Variants in FBXO42 observed in about 807,000 individuals in gnomAD.
FBXO42 encodes the protein F-box only protein 42.
In FBXO42, 12 loss-of-function variants were observed where a neutral mutation model predicts 71.7. The ratio of observed to expected loss-of-function variants is 0.17; its 90% confidence interval spans 0.11 to 0.27. The LOEUF (loss-of-function observed/expected upper bound fraction) is 0.27, where lower values mean the gene tolerates loss of function less well. Ranked by LOEUF, FBXO42 falls within the 10% of genes least tolerant of loss-of-function variation. The pLI is 1.00. For synonymous variants in FBXO42, 325 were observed against 327.5 expected (o/e 0.99, Z 0.08); for missense variants, 707 against 911.9 (o/e 0.78, Z 2.89).
chr1:16,263,255 G>A (rs1319284582), intron 4 of FBXO42, among the ~76,000 whole-genome samples: 1 of 151,464 alleles, frequency 6.6e-6, no homozygotes, highest in Non-Finnish European at 1.5e-5. Flanking sequence ...GAGGTCAGGA[G>A]ATCGAGACCA....
intron 4 of FBXO42, among the ~76,000 whole-genome samples, chr1:16,278,802 G>A (rs531885828): frequency 5.3e-5 from 8 of 151,602 alleles, no homozygotes; most frequent in East Asian, 1.9e-4. Context: ...ACGGAGTTTC[G>A]CTCTTGTTGC....
chr1:16,279,779 A>G (rs2081941085), intron 4 of FBXO42, among the ~76,000 whole-genome samples: 1 of 152,056 alleles, frequency 6.6e-6, no homozygotes, highest in South Asian at 2.1e-4. Flanking sequence ...GGAAAATCAA[A>G]TGTATACTAT....
At chr1:16,334,796 A>T (rs1468848548) in intron 1 of FBXO42, among the ~76,000 whole-genome samples, 1 of 152,178 alleles carries the variant, frequency 6.6e-6, no homozygotes, top group Admixed American at 6.6e-5. Flanking sequence ...CATAAAGATG[A>T]CTCATACAGG....
chr1:16,255,148 G>C (rs2081626702), intron 6 of FBXO42, among the ~76,000 whole-genome samples: 1 of 152,168 alleles, frequency 6.6e-6, no homozygotes, highest in African/African-American at 2.4e-5. Context: ...AGGCAAGGTG[G>C]AGGTTCCATC....
intron 1 of FBXO42, among the ~76,000 whole-genome samples, chr1:16,322,445 G>A (rs1033126551): frequency 1.3e-5 from 2 of 152,184 alleles, no homozygotes; most frequent in South Asian, 2.1e-4. Flanking sequence ...GCGTGCAGGC[G>A]CATGCCTGTA....
chr1:16,326,560 T>G (rs1384366113), intron 1 of FBXO42, among the ~76,000 whole-genome samples: 2 of 151,404 alleles, frequency 1.3e-5, no homozygotes, highest in African/African-American at 2.4e-5. Context: ...GGTGCACACT[T>G]GTAGTCTCAG....
chr1:16,340,157 C>G (rs1041408573), intron 1 of FBXO42, among the ~76,000 whole-genome samples: 5 of 148,784 alleles, frequency 3.4e-5, no homozygotes, highest in African/African-American at 1.2e-4. Context: ...GTCTGGGCGA[C>G]AGAGCAAGAC....
intron 4 of FBXO42, among the ~76,000 whole-genome samples, chr1:16,269,875 TTTTG>T (rs2081821228): frequency 7.2e-6 from 1 of 139,418 alleles, no homozygotes; most frequent in Non-Finnish European, 1.6e-5. Context: ...TTTGTTTTGT[TTTTG>T]AGATGGAGTT....
chr1:16,277,208 C>A (rs1157719001), intron 4 of FBXO42, among the ~76,000 whole-genome samples: 1 of 152,150 alleles, frequency 6.6e-6, no homozygotes, highest in East Asian at 1.9e-4. Context: ...GTTATACTGT[C>A]TGATATTCAG....
intron 1 of FBXO42, among the ~76,000 whole-genome samples, chr1:16,342,544 T>C (rs1263355720): frequency 1.4e-5 from 2 of 147,854 alleles, no homozygotes; most frequent in African/African-American, 2.5e-5. Context: ...GATCGCCCAC[T>C]GCACTCCAGT....
At chr1:16,317,836 T>C (rs912417987) in intron 1 of FBXO42, among the ~76,000 whole-genome samples, 1 of 151,050 alleles carries the variant, frequency 6.6e-6, no homozygotes, top group East Asian at 2.0e-4. Context: ...GGAGGATCAC[T>C]TGAGCCCAAG....
rs2081598624 is a variant in FBXO42 at position 16,252,137 on chromosome 1, A to G, written c.1038+151T>C. ...TGTAAGTTTTCCCATTTAGTGAGAA[A>G]TGCCAAAGGAGCTATGGCTAATGTT... On this transcript the variant is annotated intron_variant, in intron 9 of 9. Transcript: ENST00000375592. The surrounding 1 kb of genome is among the most constrained non-coding windows in gnomAD (Gnocchi z 4.4). 1.5e-6 allele frequency: 1 copy of G among 678,644 alleles called. No individual in the cohort carries two copies. Among genetic ancestry groups the G allele is most frequent in the Admixed American group, 2.5e-5 (1 of 40,016 alleles). 42.0% of individuals were successfully genotyped at this position (678,644 alleles called of 1,614,324 possible). A position where few individuals can be genotyped will look rare whatever the true frequency, so the allele number is the denominator to read the frequency against.
At chr1:16,324,895 A>G (rs896237561) in intron 1 of FBXO42, among the ~76,000 whole-genome samples, 3 of 152,112 alleles carry the variant, frequency 2.0e-5, no homozygotes, top group African/African-American at 7.2e-5. Flanking sequence ...AAGGGATTAA[A>G]CATTGTCAAA....
chr1:16,328,842 G>A (rs996317304), intron 1 of FBXO42, among the ~76,000 whole-genome samples: 5 of 152,230 alleles, frequency 3.3e-5, no homozygotes, highest in Admixed American at 3.3e-4. Flanking sequence ...ACAAAGTAAG[G>A]AAGTGCCCTA....
chr1:16,338,324 AG>A (rs1443805176), intron 1 of FBXO42, among the ~76,000 whole-genome samples: 8 of 141,590 alleles, frequency 5.7e-5, no homozygotes, highest in African/African-American at 1.8e-4. Flanking sequence ...TCTGCACTGT[AG>A]CCTGAGGAAC....
chr1:16,336,711 C>T (rs1172301487), intron 1 of FBXO42, among the ~76,000 whole-genome samples: 1 of 150,784 alleles, frequency 6.6e-6, no homozygotes, highest in East Asian at 2.0e-4. Flanking sequence ...GGGCTGGGTG[C>T]GGTGGCTCAC....
chr1:16,342,373 G>A (rs2082612485), intron 1 of FBXO42, among the ~76,000 whole-genome samples: 1 of 145,028 alleles, frequency 6.9e-6, no homozygotes, highest in South Asian at 2.2e-4. Flanking sequence ...TCCAGCCTGG[G>A]CAAGAAGAGC....
rs111232654 is a variant in FBXO42, at chr1:16,311,142, C to T, written c.250+4027G>A. 6.5e-3 allele frequency among the ~76,000 whole-genome samples: 813 copies of T among 125,180 alleles called. 8 individuals are homozygous for T. The highest frequency in any genetic ancestry group is 0.024 in the African/African-American group (764 of 31,684). 82.1% of individuals were successfully genotyped at this position (125,180 alleles called of 152,430 possible). On this transcript the variant is annotated intron_variant, in intron 2 of 9. Coordinates refer to ENST00000375592, the MANE Select transcript of FBXO42 (RefSeq NM_018994.3). Reference sequence around the variant, plus strand: ...GCAATAAGCCGAGATCGCGCCCCTGCACTCCAGCCTGGGCGACAGAGTGAG... The same window carrying T: ...GCAATAAGCCGAGATCGCGCCCCTGTACTCCAGCCTGGGCGACAGAGTGAG...
At chr1:16,298,596 G>A (rs1033745875) in intron 3 of FBXO42, among the ~76,000 whole-genome samples, 2 of 151,946 alleles carry the variant, frequency 1.3e-5, no homozygotes, top group Non-Finnish European at 2.9e-5. Flanking sequence ...TGCAACCTCC[G>A]CCTCCTAGGT....
Sources: gnomAD v4.1 joint callset for allele counts (sites outside exome capture counted in the v4.1 genomes callset) on GRCh38, gnomAD v4.1.1 for gene constraint, Gnocchi (gnomAD v3.1) non-coding constraint, MANE v1.5 for transcripts, NCBI Gene and HGNC (gene_info 2026-07-23, HGNC 2026-07-21) for gene names.